The following TRIM71 variants were observed in gnomAD, a reference collection of about 807,000 sequenced individuals.
TRIM71 encodes the protein tripartite motif containing 71.
A neutral mutation model predicts 61.2 loss-of-function variants in TRIM71; 9 were observed. That is an observed-to-expected ratio of 0.15 (90% confidence interval 0.09 to 0.26). The LOEUF is 0.26. Among genes scored for constraint, TRIM71 ranks in the 10% least tolerant of loss-of-function variants. The pLI, the probability that TRIM71 is intolerant of heterozygous loss-of-function variation, is 1.00. For missense variants in TRIM71, 998 were observed against 1,238.7 expected (o/e 0.81, Z 2.92); for synonymous variants, 645 against 553.2 (o/e 1.17, Z -2.33).
rs149870292 is a variant in TRIM71 at position 32,822,549 on chromosome 3, T to C, written c.852+3617T>C. Among the ~76,000 whole-genome samples the C allele has an allele frequency of 4.9e-3, 742 of 152,324 alleles. 5 individuals carry two copies. Among genetic ancestry groups the C allele is most frequent in the African/African-American group, 0.017 (698 of 41,570 alleles). On this transcript the variant is annotated intron_variant, in intron 1 of 3. Coordinates refer to ENST00000383763, the MANE Select transcript of TRIM71 (RefSeq NM_001039111.3). ...TTTGTTTTGTATATTTTAAGTCATA[T>C]TGTAAATGGGACTGTACCTGTATTC...
At chr3:32,824,992 A>G (rs1304414406) in intron 1 of TRIM71, among the ~76,000 whole-genome samples, 6 of 151,298 alleles carry the variant, frequency 4.0e-5, no homozygotes, top group African/African-American at 1.5e-4. Flanking sequence ...ACGGTGTTTC[A>G]CCATGTTGGC....
At chr3:32,848,570 TTTC>T (rs1302563035) in intron 1 of TRIM71, among the ~76,000 whole-genome samples, 1 of 152,214 alleles carries the variant, frequency 6.6e-6, no homozygotes, top group African/African-American at 2.4e-5. Context: ...TTAATACTGT[TTTC>T]TTTTTATGGT....
intron 2 of TRIM71, among the ~76,000 whole-genome samples, chr3:32,881,946 A>G (rs758850447): frequency 6.6e-6 from 1 of 152,206 alleles, no homozygotes; most frequent in African/African-American, 2.4e-5. Flanking sequence ...CTTGCTGATT[A>G]TTAAAATTGC....
rs1232913739 is a variant in TRIM71, at chr3:32,864,844, T to TGG, written c.853-8973_853-8972dup. Among the ~76,000 whole-genome samples, 3 of 127,604 alleles carry TGG rather than the reference T, an allele frequency of 2.4e-5. 1 individual carries two copies. In the Admixed American group the frequency reaches 2.6e-4, roughly 11 times the overall value. 83.7% of individuals were successfully genotyped at this position (127,604 alleles called of 152,430 possible). ...CATGATTATACTTTTAAAAATTAAG[T>TGG]GGTGTGTGTGTGTGTGTGTGTGTGT... On this transcript the variant is annotated intron_variant, in intron 1 of 3. Transcript: ENST00000383763.
intron 1 of TRIM71, among the ~76,000 whole-genome samples, chr3:32,857,186 G>C (rs976644033): frequency 1.3e-5 from 2 of 152,070 alleles, no homozygotes; most frequent in African/African-American, 4.8e-5. Context: ...GTTTTACTTC[G>C]AATTCTTCCT....
At chr3:32,880,399 AG>A (rs1696896358) in intron 2 of TRIM71, among the ~76,000 whole-genome samples, 1 of 152,212 alleles carries the variant, frequency 6.6e-6, no homozygotes, top group Non-Finnish European at 1.5e-5. Context: ...CCAGATGAGG[AG>A]GATATGTATA....
At chr3:32,847,190 A>ATTTTT (rs35654776) in intron 1 of TRIM71, among the ~76,000 whole-genome samples, 9 of 107,110 alleles carry the variant, frequency 8.4e-5, no homozygotes, top group African/African-American at 2.9e-4. Flanking sequence ...AGGTCCAGCA[A>ATTTTT]TTTTTTTTTT....
intron 1 of TRIM71, among the ~76,000 whole-genome samples, chr3:32,854,389 G>A (rs1341520269): frequency 6.6e-6 from 1 of 152,180 alleles, no homozygotes; most frequent in Non-Finnish European, 1.5e-5. Flanking sequence ...TACATGTAAA[G>A]ATGCTTCTGG....
chr3:32,832,970 C>G (rs34888784), intron 1 of TRIM71, among the ~76,000 whole-genome samples: 1 of 151,824 alleles, frequency 6.6e-6, no homozygotes, highest in Admixed American at 6.6e-5. Context: ...GTCAGGAGTT[C>G]TAGACCAGCC....
rs1483016798 is a variant in TRIM71 at position 32,891,333 on chromosome 3, C to G, written c.2129C>G (p.Ser710Cys). ...FNYPWDVAVN[S>C]EGKILVSDTR... ...TACCCTTGGGATGTGGCGGTGAATT[C>G]TGAGGGCAAGATCCTGGTCTCAGAC... The change falls in exon 4 of 4, where the codon TCT becomes TGT. Residue 710 changes from serine to cysteine, a missense_variant. Physicochemically the swap from Ser to Cys is moderately radical, Grantham distance 112. Transcript: ENST00000383763. The surrounding 1 kb of genome is among the most constrained non-coding windows in gnomAD (Gnocchi z 8.2). 2 of 1,614,022 alleles carry G rather than the reference C, an allele frequency of 1.2e-6. No individual in the cohort carries two copies. Among genetic ancestry groups the G allele is most frequent in the Non-Finnish European group, 1.7e-6 (2 of 1,179,982 alleles).
intron 1 of TRIM71, among the ~76,000 whole-genome samples, chr3:32,826,093 A>G (rs1696197885): frequency 6.6e-6 from 1 of 152,188 alleles, no homozygotes; most frequent in African/African-American, 2.4e-5. Flanking sequence ...CTCATGCTGT[A>G]GATAAATGCA....
At chr3:32,832,692 A>G (rs80337839) in intron 1 of TRIM71, among the ~76,000 whole-genome samples, 1,688 of 152,214 alleles carry the variant, frequency 0.011, 27 homozygotes, top group East Asian at 0.073. Context: ...TCTCAATAAA[A>G]AATATTATAA....
chr3:32,866,766 A>G (rs1193516453), intron 1 of TRIM71, among the ~76,000 whole-genome samples: 17 of 152,004 alleles, frequency 1.1e-4, no homozygotes, highest in Admixed American at 1.1e-3. Context: ...GTGTTTTGGA[A>G]GTCTTGTAGA....
chr3:32,866,780 G>A (rs976180232), intron 1 of TRIM71, among the ~76,000 whole-genome samples: 11 of 152,164 alleles, frequency 7.2e-5, no homozygotes, highest in African/African-American at 2.7e-4. Context: ...TTGTAGAATG[G>A]GGCATTGGGG....
chr3:32,844,684 A>T (rs1250538505), intron 1 of TRIM71, among the ~76,000 whole-genome samples: 1 of 152,184 alleles, frequency 6.6e-6, no homozygotes, highest in East Asian at 1.9e-4. Context: ...CTGTATTATT[A>T]TCAGATGCCC....
intron 1 of TRIM71, among the ~76,000 whole-genome samples, chr3:32,838,522 C>CTTTTTTT (rs11361989): frequency 5.9e-5 from 8 of 136,708 alleles, no homozygotes; most frequent in African/African-American, 2.2e-4. Context: ...TGCACCTGGC[C>CTTTTTTT]TTTTTTTTTT....
rs1697047788 is a variant in TRIM71, at chr3:32,893,411, TTGTC to T, written c.*1606_*1609del. 1 of 152,306 alleles carries T rather than the reference TTGTC, an allele frequency of 6.6e-6. No homozygotes were observed. The highest frequency in any genetic ancestry group is 1.9e-4 in the East Asian group (1 of 5,180). The allele number at this position is 152,306 out of a possible 1,614,324, so 9.4% of individuals were successfully genotyped here. On this transcript the variant is annotated 3_prime_UTR_variant, in exon 4 of 4. Coordinates refer to ENST00000383763, the MANE Select transcript of TRIM71 (RefSeq NM_001039111.3). ...GGTACAAAACTTGTGCTTCTGGGCA[TTGTC>T]TGTCTTTCAAGTGCAAAGCAGATGT...
chr3:32,890,338 C>T lies in TRIM71; in HGVS notation c.1156-22C>T, dbSNP rs767568369. On this transcript the variant is annotated intron_variant, in intron 3 of 3. Transcript: ENST00000383763. The surrounding 1 kb of genome is among the most constrained non-coding windows in gnomAD (Gnocchi z 6.2). ...TGGCTCTAAGCCTCTGTGTCTTTCT[C>T]CACTCTTGCTTTTCCCTCCAGGTAG... The T allele has an allele frequency of 1.8e-5, 29 of 1,598,576 alleles. No individual in the cohort carries two copies. The highest frequency in any genetic ancestry group is 2.7e-5 in the African/African-American group (2 of 74,662).
intron 1 of TRIM71, among the ~76,000 whole-genome samples, chr3:32,820,732 C>T (rs1696117949): frequency 6.6e-6 from 1 of 152,186 alleles, no homozygotes; most frequent in Non-Finnish European, 1.5e-5. Context: ...GATTTATTCA[C>T]TTTTAAAATT....
Sources: allele counts gnomAD v4.1 joint callset (sites outside exome capture counted in the v4.1 genomes callset), GRCh38; gene constraint gnomAD v4.1.1; non-coding constraint Gnocchi (gnomAD v3.1); transcripts MANE v1.5; gene names NCBI Gene and HGNC (gene_info 2026-07-23, HGNC 2026-07-21).